The following IQCE variants were observed in gnomAD, a reference collection of about 807,000 sequenced individuals.
IQCE encodes the protein IQ motif containing E.
IQCE carries 115 observed loss-of-function variants against 96.0 expected under a neutral mutation model. The ratio of observed to expected loss-of-function variants is 1.20; its 90% CI spans 1.03 to 1.40. The LOEUF (loss-of-function observed/expected upper bound fraction) is 1.40, where lower values mean the gene tolerates loss of function less well. Among genes scored for constraint, IQCE ranks in the 40% most tolerant of loss-of-function variants. The pLI, the probability that IQCE is intolerant of heterozygous loss-of-function variation, is 0.00. For synonymous variants in IQCE, 412 were observed against 371.2 expected (o/e 1.11, Z -1.26); for missense variants, 1,041 against 909.1 (o/e 1.15, Z -1.87).
rs1357407999 is a variant in IQCE at position 2,559,696 on chromosome 7, T to A, written c.36+479T>A. Among the ~76,000 whole-genome samples, 3 of 135,060 alleles carry A rather than the reference T, an allele frequency of 2.2e-5. No individual in the cohort carries two copies. The Admixed American group carries it at 2.5e-4, about 11-fold the overall frequency. The allele number at this position is 135,060 out of a possible 152,430, so 88.6% of individuals were successfully genotyped here. ...TCCCCAGGGCGAGGGTGCATGAGCC[T>A]TAGGTTAGTTACTTTGCCCGGTAAA... On this transcript the variant is annotated intron_variant, in intron 1 of 21. Transcript: ENST00000402050.
intron 3 of IQCE, among the ~76,000 whole-genome samples, chr7:2,570,941 ATC>A (rs1445424398): frequency 1.3e-5 from 2 of 152,254 alleles, no homozygotes; most frequent in African/African-American, 4.8e-5. Context: ...GAACACGCAC[ATC>A]TCTCAAAATT....
chr7:2,569,650 G>T (rs146945399), intron 3 of IQCE, among the ~76,000 whole-genome samples: 1 of 152,142 alleles, frequency 6.6e-6, no homozygotes, highest in Non-Finnish European at 1.5e-5. Flanking sequence ...GAATGTGTTC[G>T]TGACCCTGTA....
chr7:2,604,301 A>G (rs1021601973), intron 18 of IQCE, among the ~76,000 whole-genome samples: 2 of 152,150 alleles, frequency 1.3e-5, no homozygotes, highest in African/African-American at 4.8e-5. Context: ...TGTAGAGACG[A>G]GGTCTTGCTG....
chr7:2,561,277 C>G (rs1352896568), intron 1 of IQCE, among the ~76,000 whole-genome samples: 1 of 151,880 alleles, frequency 6.6e-6, no homozygotes, highest in Non-Finnish European at 1.5e-5. Context: ...TCTTTGATTT[C>G]TTTCAGCAAT....
At chr7:2,584,878 T>C (rs929385381) in intron 11 of IQCE, among the ~76,000 whole-genome samples, 2 of 152,214 alleles carry the variant, frequency 1.3e-5, no homozygotes, top group Non-Finnish European at 2.9e-5. Flanking sequence ...AGATGCTAAC[T>C]ACAGTCGATT....
intron 20 of IQCE, 65 bp from the exon 21 acceptor site, chr7:2,607,059 T>C (rs1784885505): frequency 7.2e-7 from 1 of 1,396,438 alleles, no homozygotes; most frequent in Non-Finnish European, 9.7e-7. Flanking sequence ...GAGGCTGCTG[T>C]AAACCTCAGA....
In IQCE at chr7:2,612,572, TGAGCTGTGGGCGGGGC is replaced by T. The variant is rs72453503; in HGVS notation, c.*2421_*2436del. 0.4 allele frequency: 48,787 copies of T among 123,122 alleles called. 9,001 individuals are homozygous for T. The highest frequency in any genetic ancestry group is 0.47 in the Middle Eastern group (118 of 252). The allele number at this position is 123,122 out of a possible 1,614,324, so 7.6% of individuals were successfully genotyped here. On this transcript the variant is annotated 3_prime_UTR_variant, in exon 22 of 22. Coordinates refer to ENST00000402050, the MANE Select transcript of IQCE (RefSeq NM_152558.5). ...GGGCGGGGCCTAGTCATGGGAGGGG[TGAGCTGTGGGCGGGGC>T]GAGCTGTGGGTGGGGCCTAGCCATG...
chr7:2,593,942 A>C (rs1783814250), intron 15 of IQCE, among the ~76,000 whole-genome samples: 1 of 152,238 alleles, frequency 6.6e-6, no homozygotes, highest in African/African-American at 2.4e-5. Context: ...ACTCAGAATA[A>C]TTAGTAAGAC....
intron 9 of IQCE, among the ~76,000 whole-genome samples, chr7:2,583,173 C>T (rs913219632): frequency 2.0e-4 from 31 of 152,192 alleles, no homozygotes; most frequent in African/African-American, 5.3e-4. Flanking sequence ...ACTTTGCTTT[C>T]GTTTCTCTAT....
At chr7:2,580,746 A>G (rs1315685571) in intron 8 of IQCE, among the ~76,000 whole-genome samples, 3 of 152,212 alleles carry the variant, frequency 2.0e-5, no homozygotes, top group African/African-American at 7.2e-5. Flanking sequence ...AGAAAGATGC[A>G]GAGGGATGTG....
chr7:2,579,311 T>C (rs1385671156), intron 8 of IQCE, among the ~76,000 whole-genome samples: 3 of 152,158 alleles, frequency 2.0e-5, no homozygotes, highest in Admixed American at 6.5e-5. Flanking sequence ...TTTGAGATTA[T>C]TGAACGCAAA....
intron 8 of IQCE, 115 bp downstream of exon 8, chr7:2,578,641 G>A: frequency 1.8e-6 from 2 of 1,142,212 alleles, no homozygotes; most frequent in Non-Finnish European, 2.6e-6. Flanking sequence ...AGGCAGGGGG[G>A]AGGCTGCGGA....
intron 13 of IQCE, among the ~76,000 whole-genome samples, chr7:2,589,230 T>G (rs1783382219): frequency 6.6e-6 from 1 of 151,224 alleles, no homozygotes; most frequent in Non-Finnish European, 1.5e-5. Context: ...TAGCCTGGTG[T>G]GGTGGTGCAC....
chr7:2,559,200 G>C lies in IQCE; in HGVS notation c.19G>C (p.Glu7Gln), dbSNP rs1015933186. Residue 7 changes from glutamate to glutamine, a missense_variant, in exon 1 of 22, where the codon GAG becomes CAG. Transcript: ENST00000402050. Reference protein sequence around the residue: MFLGTGEPALDTGDDSL... With the variant: MFLGTGQPALDTGDDSL... ...CGCCACCATGTTCCTGGGCACCGGG[G>C]AGCCGGCCTTGGACACGGTAAGAAC... 4 of 1,217,186 alleles carry C rather than the reference G, an allele frequency of 3.3e-6. No individual in the cohort carries two copies. The highest frequency in any genetic ancestry group is 4.1e-6 in the Non-Finnish European group (4 of 977,748). The allele number at this position is 1,217,186 out of a possible 1,614,324, so 75.4% of individuals were successfully genotyped here. A position where few individuals can be genotyped will look rare whatever the true frequency, so the allele number is the denominator to read the frequency against.
chr7:2,565,046 G>T (rs1267474795), intron 1 of IQCE, among the ~76,000 whole-genome samples: 2 of 152,148 alleles, frequency 1.3e-5, no homozygotes, highest in Non-Finnish European at 2.9e-5. Context: ...GTGCTTGAAG[G>T]AGGCGGAACA....
At chr7:2,580,566 C>G (rs550735729) in intron 8 of IQCE, among the ~76,000 whole-genome samples, 4 of 151,894 alleles carry the variant, frequency 2.6e-5, no homozygotes, top group Non-Finnish European at 5.9e-5. Flanking sequence ...GAGCTGAGAT[C>G]GTGCCACTGC....
chr7:2,605,020 G>A, intron 19 of IQCE, 29 bp downstream of exon 19: 1 of 1,490,278 alleles, frequency 6.7e-7, no homozygotes, highest in Non-Finnish European at 9.3e-7. Flanking sequence ...ACGTCCCAGT[G>A]GCCATCTGCA....
intron 3 of IQCE, among the ~76,000 whole-genome samples, chr7:2,571,113 G>C (rs1156355309): frequency 1.3e-5 from 2 of 152,108 alleles, no homozygotes; most frequent in African/African-American, 2.4e-5. Context: ...GACCTCCTGG[G>C]CTCAAGAGAT....
At chr7:2,561,688 TGG>T (rs1348098674) in intron 1 of IQCE, among the ~76,000 whole-genome samples, 1 of 152,232 alleles carries the variant, frequency 6.6e-6, no homozygotes, top group African/African-American at 2.4e-5. Flanking sequence ...CCCAAAGTGC[TGG>T]GATTACTGGC....
Sources: gnomAD v4.1 joint callset for allele counts (sites outside exome capture counted in the v4.1 genomes callset) on GRCh38, gnomAD v4.1.1 for gene constraint, MANE v1.5 for transcripts, NCBI Gene and HGNC (gene_info 2026-07-23, HGNC 2026-07-21) for gene names.